Variants in CNTNAP4 observed in about 807,000 individuals in gnomAD.
The protein encoded by CNTNAP4 is contactin-associated protein-like 4.
In CNTNAP4, 98 loss-of-function variants were observed where a neutral mutation model predicts 148.4. The ratio of observed to expected loss-of-function variants is 0.66; its 90% CI spans 0.56 to 0.78. The LOEUF (loss-of-function observed/expected upper bound fraction) is 0.78, where lower values mean the gene tolerates loss of function less well. CNTNAP4 is among the 30% of genes least tolerant of loss of function. The probability of loss-of-function intolerance (pLI) is 0.00; values close to 1 mark genes in which losing one functional copy is unlikely to be tolerated. For synonymous variants in CNTNAP4, 730 were observed against 565.1 expected (o/e 1.29, Z -4.14); for missense variants, 1,935 against 1,565.6 (o/e 1.24, Z -3.98).
chr16:76,493,880 G>A (rs1266064956), intron 13 of CNTNAP4, among the ~76,000 whole-genome samples: 1 of 152,176 alleles, frequency 6.6e-6, no homozygotes, highest in African/African-American at 2.4e-5. Flanking sequence ...CTATCTAATA[G>A]TAAGTTAAAA....
rs1227932572 is a variant in CNTNAP4 at position 76,558,780 on chromosome 16, C to T, written c.*97C>T. 2.1e-6 allele frequency: 2 copies of T among 935,042 alleles called. No individual in the cohort carries two copies. Among genetic ancestry groups the T allele is most frequent in the Admixed American group, 5.8e-5 (2 of 34,410 alleles). 57.9% of individuals were successfully genotyped at this position (935,042 alleles called of 1,614,324 possible). ...AATGCTCTTACACTGAATGTACAGG[C>T]AGTGGGCTTGCAGCACTGCCATCTT... is the stretch of plus-strand genomic sequence containing the variant. On this transcript the variant is annotated 3_prime_UTR_variant, in exon 24 of 24. Transcript: ENST00000611870.
chr16:76,321,488 AT>A (rs1318185140), intron 2 of CNTNAP4, among the ~76,000 whole-genome samples: 2 of 152,118 alleles, frequency 1.3e-5, no homozygotes, highest in Non-Finnish European at 2.9e-5. Context: ...AACGTATTAT[AT>A]TTTTTAAAAA....
rs1478897653 is a variant in CNTNAP4 at position 76,506,583 on chromosome 16, G to A, written c.2365+7889G>A. Among the ~76,000 whole-genome samples, 2 of 80,490 alleles carry A rather than the reference G, an allele frequency of 2.5e-5. 1 individual carries two copies. Among genetic ancestry groups the A allele is most frequent in the Non-Finnish European group, 6.6e-5 (2 of 30,138 alleles). 52.8% of individuals were successfully genotyped at this position (80,490 alleles called of 152,430 possible). ...CCTCCTGGGTTCAAGTGATTCTCCT[G>A]CCTCAGCCTCCCAAGTAGCTCGGAT... On this transcript the variant is annotated intron_variant, in intron 15 of 23. Coordinates refer to ENST00000611870, the MANE Select transcript of CNTNAP4 (RefSeq NM_033401.5).
intron 15 of CNTNAP4, among the ~76,000 whole-genome samples, chr16:76,514,838 A>G (rs983900254): frequency 9.2e-5 from 14 of 152,226 alleles, no homozygotes; most frequent in African/African-American, 3.1e-4. Flanking sequence ...TAATCTTAGA[A>G]TTTTATTTCT....
intron 3 of CNTNAP4, among the ~76,000 whole-genome samples, chr16:76,402,370 T>G (rs1249552184): frequency 2.0e-5 from 3 of 152,058 alleles, no homozygotes; most frequent in African/African-American, 7.2e-5. Flanking sequence ...TGTTTTTTTT[T>G]TCTGTGAGGT....
intron 3 of CNTNAP4, among the ~76,000 whole-genome samples, chr16:76,390,239 C>T (rs911451872): frequency 6.6e-6 from 1 of 152,192 alleles, no homozygotes; most frequent in Non-Finnish European, 1.5e-5. Flanking sequence ...AATGGCAAAA[C>T]CTTCAGGTAT....
intron 9 of CNTNAP4, among the ~76,000 whole-genome samples, chr16:76,464,598 G>A (rs1158822313): frequency 3.3e-5 from 5 of 152,164 alleles, no homozygotes; most frequent in Admixed American, 6.5e-5. Context: ...TGTGAGACAC[G>A]TCTCATCAGT....
chr16:76,342,802 A>G (rs1164195918), intron 2 of CNTNAP4, among the ~76,000 whole-genome samples: 3 of 152,232 alleles, frequency 2.0e-5, no homozygotes, highest in African/African-American at 7.2e-5. Context: ...GACCTGTTTT[A>G]TATTCCTAAG....
chr16:76,338,268 T>G (rs147917020), intron 2 of CNTNAP4, among the ~76,000 whole-genome samples: 117 of 152,312 alleles, frequency 7.7e-4, no homozygotes, highest in Middle Eastern at 3.4e-3. Context: ...TTTATGTTCT[T>G]CTGCTGCTGC....
intron 3 of CNTNAP4, among the ~76,000 whole-genome samples, chr16:76,361,076 A>C (rs1408922707): frequency 1.3e-5 from 2 of 151,352 alleles, no homozygotes; most frequent in East Asian, 3.9e-4. Context: ...GCCTGCCTCA[A>C]CCTCCCAAAG....
At chr16:76,385,212 A>G (rs998292181) in intron 3 of CNTNAP4, among the ~76,000 whole-genome samples, 1 of 152,190 alleles carries the variant, frequency 6.6e-6, no homozygotes, top group Admixed American at 6.5e-5. Context: ...AGCAAGAGCT[A>G]TGTGATAAGT....
intron 1 of CNTNAP4, among the ~76,000 whole-genome samples, chr16:76,300,417 G>A (rs1959833657): frequency 6.6e-6 from 1 of 152,064 alleles, no homozygotes; most frequent in Non-Finnish European, 1.5e-5. Flanking sequence ...GGGTCTAGGG[G>A]AGAGATAGCA....
chr16:76,356,858 GTTTAAAGC>G (rs2012717315), intron 3 of CNTNAP4, among the ~76,000 whole-genome samples: 1 of 152,040 alleles, frequency 6.6e-6, no homozygotes, highest in African/African-American at 2.4e-5. Flanking sequence ...ACCTTTGTAT[GTTTAAAGC>G]TCTTGGTGGC....
At chr16:76,376,189 G>GC (rs921314261) in intron 3 of CNTNAP4, among the ~76,000 whole-genome samples, 1 of 151,612 alleles carries the variant, frequency 6.6e-6, no homozygotes, top group Admixed American at 6.6e-5. Context: ...GCAATTAAAT[G>GC]CAAAAAAAAT....
At chr16:76,492,382 T>A (rs1353843234) in intron 13 of CNTNAP4, among the ~76,000 whole-genome samples, 1 of 152,204 alleles carries the variant, frequency 6.6e-6, no homozygotes, top group Admixed American at 6.5e-5. Context: ...ACAATTTTTA[T>A]TTGTCAATTT....
chr16:76,353,481 C>T (rs2012130946), intron 2 of CNTNAP4, among the ~76,000 whole-genome samples: 1 of 152,188 alleles, frequency 6.6e-6, no homozygotes, highest in African/African-American at 2.4e-5. Context: ...TTCTTAGCAG[C>T]TGATTATGTC....
At chr16:76,281,294 A>G (rs970722215) in intron 1 of CNTNAP4, among the ~76,000 whole-genome samples, 1 of 152,116 alleles carries the variant, frequency 6.6e-6, no homozygotes, top group African/African-American at 2.4e-5. Context: ...GTACTGATAA[A>G]ATATAATTCT....
intron 1 of CNTNAP4, among the ~76,000 whole-genome samples, chr16:76,293,574 C>G (rs1184955154): frequency 6.6e-6 from 1 of 152,026 alleles, no homozygotes; most frequent in East Asian, 1.9e-4. Flanking sequence ...TTAATTTGTT[C>G]TGAAATGAAT....
At chr16:76,472,993 G>T (rs564328931) in intron 10 of CNTNAP4, among the ~76,000 whole-genome samples, 1 of 152,222 alleles carries the variant, frequency 6.6e-6, no homozygotes, top group East Asian at 1.9e-4. Flanking sequence ...AGTATACTCC[G>T]TGAGGGGGGC....
Sources: gnomAD v4.1 joint callset for allele counts (sites outside exome capture counted in the v4.1 genomes callset) on GRCh38, gnomAD v4.1.1 for gene constraint, MANE v1.5 for transcripts, NCBI Gene and HGNC (gene_info 2026-07-23, HGNC 2026-07-21) for gene names.